Variants in NPM3 observed in about 807,000 individuals in gnomAD.
The protein encoded by NPM3 is nucleophosmin/nucleoplasmin 3, also known as nucleoplasmin-3.
A neutral mutation model predicts 18.1 loss-of-function variants in NPM3; 12 were observed. The observed-to-expected ratio is 0.66, with a 90% CI of 0.42 to 1.07. The LOEUF (loss-of-function observed/expected upper bound fraction) is 1.07. Among genes scored for constraint, NPM3 ranks in the 50% least tolerant of loss-of-function variants. The probability of loss-of-function intolerance (pLI) is 0.00; values close to 1 mark genes in which losing one functional copy is unlikely to be tolerated. For synonymous variants in NPM3, 116 were observed against 93.7 expected (o/e 1.24, Z -1.38); for missense variants, 274 against 232.1 (o/e 1.18, Z -1.17).
intron 1 of NPM3, 122 bp from the exon 2 acceptor site, chr10:101,783,046 C>G: frequency 1.1e-6 from 1 of 902,694 alleles, no homozygotes; most frequent in Non-Finnish European, 1.7e-6. Flanking sequence ...CCACCTCCGT[C>G]TCTTCTCTCA....
At position 101,783,338 on chromosome 10, in the gene NPM3, G is replaced by C. The variant is rs201194646; in HGVS notation, c.53C>G (p.Thr18Arg). 3.4e-4 allele frequency: 549 copies of C among 1,613,124 alleles called. No individual in the cohort carries two copies. The highest frequency in any genetic ancestry group is 4.4e-4 in the Non-Finnish European group (514 of 1,179,538). The stretch of plus-strand genomic sequence containing the variant: ...TAGGCCCCCGACACCCCCGGCCCGC[G>C]TTCGGCTCTCCTGACTCAAAAACGC... The change falls in exon 1 of 6, where the codon ACG becomes AGG. Residue 18 changes from threonine to arginine, a missense_variant. Thr to Arg is a moderately conservative substitution (Grantham distance 71). Transcript: ENST00000370110.
rs1404945223 is a variant in NPM3, at chr10:101,782,201, G to A, written c.418+57C>T. 1.5e-5 allele frequency: 22 copies of A among 1,465,736 alleles called. No individual in the cohort carries two copies. The East Asian group carries it at 4.0e-4, about 27-fold the overall frequency. 90.8% of individuals were successfully genotyped at this position (1,465,736 alleles called of 1,614,324 possible). Reference sequence around the variant, plus strand: ...GATGGGGCAGGAGTGCGGAGTGGGGGAAGCCTGATGGGAGAGTCCACTGGA... The same window carrying A: ...GATGGGGCAGGAGTGCGGAGTGGGGAAAGCCTGATGGGAGAGTCCACTGGA... On this transcript the variant is annotated intron_variant, in intron 4 of 5. Transcript: ENST00000370110.
exon 1 of NPM3, chr10:101,783,281 A>T: frequency 6.2e-7 from 1 of 1,604,804 alleles, no homozygotes; most frequent in South Asian, 1.1e-5. Context: ...ACCGAAGAAA[A>T]AACTGTCCAT....
At position 101,782,939 on chromosome 10, in the gene NPM3, A is replaced by T; in HGVS notation, c.119-15T>A. 1 of 1,612,682 alleles carries T rather than the reference A, an allele frequency of 6.2e-7. No homozygotes were observed. Among genetic ancestry groups the T allele is most frequent in the Non-Finnish European group, 8.5e-7 (1 of 1,179,096 alleles). Reference sequence around the variant, plus strand: ...GAGCTCACAGCCTGGTAGAAATAACAGTGAGTATGCCTGAGCGTGTGTACG... The same window carrying T: ...GAGCTCACAGCCTGGTAGAAATAACTGTGAGTATGCCTGAGCGTGTGTACG... On this transcript the variant is annotated splice_polypyrimidine_tract_variant and intron_variant, in intron 1 of 5. Transcript: ENST00000370110.
chr10:101,782,420 G>A, intron 3 of NPM3, 58 bp downstream of exon 3: 2 of 1,600,886 alleles, frequency 1.2e-6, no homozygotes, highest in South Asian at 2.2e-5. Flanking sequence ...GAGTGCTAAC[G>A]TCCTCAATCC....
chr10:101,782,761 G>C, intron 2 of NPM3, 78 bp downstream of exon 2: 1 of 1,577,602 alleles, frequency 6.3e-7, no homozygotes, highest in Non-Finnish European at 8.7e-7. Flanking sequence ...TCCAAGTAAA[G>C]GGGATCCGGA....
At chr10:101,782,141 G>C in intron 4 of NPM3, 117 bp downstream of exon 4, 1 of 993,012 alleles carries the variant, frequency 1.0e-6, no homozygotes, top group South Asian at 1.5e-5. Context: ...AGGGCACACA[G>C]ACCTGTACAG....
At chr10:101,783,021 G>A in intron 1 of NPM3, 97 bp from the exon 2 acceptor site, 3 of 1,154,612 alleles carry the variant, frequency 2.6e-6, no homozygotes, top group Non-Finnish European at 3.8e-6. Flanking sequence ...TTGGGCGGAC[G>A]GGTCATTTAC....
rs1005861203 is a variant in NPM3, at chr10:101,781,872, A to G, written c.419-18T>C. ...CATCGTAACTGGTGGACACACAAGC[A>G]GTAGAAGGATGGGGTGTTAAGACCA... is the stretch of plus-strand genomic sequence containing the variant. On this transcript the variant is annotated intron_variant, in intron 4 of 5. Coordinates refer to ENST00000370110, the Ensembl canonical transcript of NPM3. 17 of 1,614,044 alleles carry G rather than the reference A, an allele frequency of 1.1e-5. No individual in the cohort carries two copies. The Admixed American group carries it at 1.3e-4, about 13-fold the overall frequency.
chr10:101,781,567 T>A (rs2065141003), exon 6 of NPM3: 156 of 208,944 alleles, frequency 7.5e-4, no homozygotes, highest in Middle Eastern at 2.9e-3. Flanking sequence ...AAGGAAGAAA[T>A]ATTTACAATT....
At chr10:101,782,321 G>C in exon 4 of NPM3, 1 of 1,614,034 alleles carries the variant, frequency 6.2e-7, no homozygotes, top group Non-Finnish European at 8.5e-7. Context: ...AAGGTTACAG[G>C]TGGTTGGAGC....
At chr10:101,781,931 C>A in intron 4 of NPM3, 77 bp from the exon 5 acceptor site, 1 of 1,612,778 alleles carries the variant, frequency 6.2e-7, no homozygotes, top group South Asian at 1.1e-5. Context: ...TTCTTCACGC[C>A]GTGGTGTTAG....
Position 101,783,330 on chromosome 10 carries a change from C to CG in NPM3, c.60dup (p.Gly21ArgfsTer22). 1 of 1,613,120 alleles carries CG rather than the reference C, an allele frequency of 6.2e-7. No individual in the cohort carries two copies. The highest frequency in any genetic ancestry group is 8.5e-7 in the Non-Finnish European group (1 of 1,179,516). On this transcript the variant is annotated frameshift_variant, in exon 1 of 6. Transcript: ENST00000370110. LOFTEE classifies it high-confidence loss of function. Reference sequence around the variant, plus strand: ...GGGACCCGTAGGCCCCCGACACCCCCGGCCCGCGTTCGGCTCTCCTGACTC... The same window carrying CG: ...GGGACCCGTAGGCCCCCGACACCCCCGGGCCCGCGTTCGGCTCTCCTGACTC...
At chr10:101,782,212 G>C (rs2065146459) in intron 4 of NPM3, 46 bp downstream of exon 4, 1 of 1,521,478 alleles carries the variant, frequency 6.6e-7, no homozygotes, top group Admixed American at 1.8e-5. Context: ...AAGCCTGATG[G>C]GAGAGTCCAC....
At chr10:101,782,230 AAAG>A (rs1473738665) in intron 4 of NPM3, 25 bp downstream of exon 4, 1 of 1,585,056 alleles carries the variant, frequency 6.3e-7, no homozygotes, top group Non-Finnish European at 8.6e-7. Context: ...CACTGGAAGC[AAAG>A]GAGAGGGCCC....
chr10:101,782,155 T>C (rs1444018312), intron 4 of NPM3, 103 bp downstream of exon 4: 1 of 1,075,876 alleles, frequency 9.3e-7, no homozygotes, highest in South Asian at 1.4e-5. Context: ...TGTACAGGGC[T>C]GCACTGGGAG....
Position 101,783,300 on chromosome 10 carries a change from G to C in NPM3, c.91C>G (p.Pro31Ala), listed in dbSNP as rs1214945436. ...AAGAAAAAACTGTCCATAGTGACCGGGGCCGGGACCCGTAGGCCCCCGACA... is the reference window on the plus strand; with the variant it reads ...AAGAAAAAACTGTCCATAGTGACCGCGGCCGGGACCCGTAGGCCCCCGACA... Residue 31 changes from proline (P) to alanine (A), a missense_variant, in exon 1 of 6, where the codon CCG becomes GCG. Transcript: ENST00000370110. 4 of 1,611,742 alleles carry C rather than the reference G, an allele frequency of 2.5e-6. No individual in the cohort carries two copies. Among genetic ancestry groups the C allele is most frequent in the Non-Finnish European group, 2.5e-6 (3 of 1,178,810 alleles).
At chr10:101,781,685 C>T (rs764141712) in intron 5 of NPM3, 42 bp downstream of exon 5, 16 of 1,602,922 alleles carry the variant, frequency 1.0e-5, no homozygotes, top group Middle Eastern at 3.7e-4. Flanking sequence ...GCTTCTCCTG[C>T]CCCTTCCCAG....
chr10:101,783,352 A>T, exon 1 of NPM3: 1 of 1,612,188 alleles, frequency 6.2e-7, no homozygotes, highest in Non-Finnish European at 8.5e-7. Context: ...GGCTCTCCTG[A>T]CTCAAAAACG....
Sources: allele counts gnomAD v4.1 joint callset, GRCh38; gene constraint gnomAD v4.1.1; transcripts MANE v1.5; gene names NCBI Gene and HGNC (gene_info 2026-07-23, HGNC 2026-07-21).